MAGI3: variants seen among roughly 807,000 people sequenced by gnomAD.
MAGI3 encodes the protein membrane-associated guanylate kinase, WW and PDZ domain-containing protein 3.
MAGI3 carries 43 observed loss-of-function variants against 121.8 expected under a neutral mutation model. The observed-to-expected ratio is 0.35, with a 90% CI of 0.28 to 0.46. The LOEUF (loss-of-function observed/expected upper bound fraction) is 0.46. Ranked by LOEUF, MAGI3 falls within the 20% of genes least tolerant of loss-of-function variation. The pLI, the probability that MAGI3 is intolerant of heterozygous loss-of-function variation, is 1.00. For missense variants in MAGI3, 1,547 were observed against 1,797.3 expected (o/e 0.86, Z 2.52); for synonymous variants, 553 against 639.3 (o/e 0.86, Z 2.04).
chr1:113,558,913 A>G (rs915466815), intron 2 of MAGI3, among the ~76,000 whole-genome samples: 3 of 151,686 alleles, frequency 2.0e-5, no homozygotes, highest in African/African-American at 7.2e-5. Flanking sequence ...CCAGTAGTCA[A>G]CATTACCAAC....
chr1:113,683,243 A>AAAGC lies in MAGI3; in HGVS notation c.3676_3679dup (p.Pro1227GlnfsTer13). On this transcript the variant is annotated frameshift_variant, in exon 21 of 21. Transcript: ENST00000307546. LOFTEE classifies it low-confidence loss of function (END_TRUNC). ...GAAGAGGTAGATCGGTTAGTCCCAA[A>AAAGC]AAGCCAGCCAGTCAACATTCAGAGG... The AAAGC allele has an allele frequency of 6.2e-7, 1 of 1,613,322 alleles. No individual in the cohort carries two copies. Among genetic ancestry groups the AAAGC allele is most frequent in the South Asian group, 1.1e-5 (1 of 90,850 alleles).
intron 2 of MAGI3, among the ~76,000 whole-genome samples, chr1:113,572,021 G>T (rs533629283): frequency 6.6e-6 from 1 of 152,242 alleles, no homozygotes; most frequent in South Asian, 2.1e-4. Flanking sequence ...TATGATATTG[G>T]CTGTGGGTTT....
intron 1 of MAGI3, among the ~76,000 whole-genome samples, chr1:113,492,207 G>A (rs180767984): frequency 2.0e-5 from 3 of 152,178 alleles, no homozygotes; most frequent in East Asian, 1.9e-4. Context: ...TGCAAGGTTG[G>A]TGTAACATAT....
At chr1:113,634,401 T>G (rs1160192796) in intron 9 of MAGI3, among the ~76,000 whole-genome samples, 2 of 152,244 alleles carry the variant, frequency 1.3e-5, no homozygotes, top group African/African-American at 4.8e-5. Context: ...CATCTTGAAT[T>G]AATTTTTGTA....
intron 1 of MAGI3, among the ~76,000 whole-genome samples, chr1:113,461,352 A>G (rs1655022976): frequency 6.6e-6 from 1 of 152,204 alleles, no homozygotes; most frequent in Non-Finnish European, 1.5e-5. Context: ...GGTTACAGTC[A>G]CCAGAACAGC....
At chr1:113,547,081 TAA>T (rs75603474) in intron 1 of MAGI3, among the ~76,000 whole-genome samples, 37 of 120,142 alleles carry the variant, frequency 3.1e-4, no homozygotes, top group African/African-American at 3.2e-4. Flanking sequence ...AGACTCCATC[TAA>T]AAAAAAAAAA....
chr1:113,602,610 G>A (rs186513197), intron 6 of MAGI3, among the ~76,000 whole-genome samples: 17 of 152,176 alleles, frequency 1.1e-4, no homozygotes, highest in Admixed American at 3.9e-4. Flanking sequence ...ACAGAAGATC[G>A]GAGCAGAATT....
intron 4 of MAGI3, 150 bp from the exon 5 acceptor site, chr1:113,590,334 A>G (rs1169597063): frequency 1.4e-6 from 1 of 731,170 alleles, no homozygotes; most frequent in African/African-American, 1.8e-5. Context: ...TATGTTGGTT[A>G]TTTTAAAATT....
intron 9 of MAGI3, among the ~76,000 whole-genome samples, chr1:113,633,238 ATTTTTTTTTTTTTTTTTTTTTTT>A (rs71090716): frequency 1.8e-4 from 10 of 56,668 alleles, no homozygotes; most frequent in African/African-American, 4.0e-4. Flanking sequence ...TGAACTCATC[ATTTTTTTTTTTTTTTTTTTTTTT>A]TTTTTTTTTT....
intron 1 of MAGI3, among the ~76,000 whole-genome samples, chr1:113,474,013 A>T (rs1012700603): frequency 1.3e-5 from 2 of 152,088 alleles, no homozygotes. Context: ...TTCTCTGATG[A>T]CCAGTGATGA....
chr1:113,437,870 T>TTCTTCTTCC (rs1653685471), intron 1 of MAGI3, among the ~76,000 whole-genome samples: 53 of 18,508 alleles, frequency 2.9e-3, no homozygotes, highest in South Asian at 6.8e-3. Context: ...CTTCCTCTTC[T>TTCTTCTTCC]TCTTCTTCTC....
At chr1:113,639,858 G>A (rs774980695) in intron 9 of MAGI3, among the ~76,000 whole-genome samples, 22 of 151,990 alleles carry the variant, frequency 1.4e-4, no homozygotes, top group African/African-American at 3.6e-4. Flanking sequence ...GTGAGCCACC[G>A]CGTCTGGCCT....
chr1:113,465,674 A>G (rs952845905), intron 1 of MAGI3, among the ~76,000 whole-genome samples: 6 of 152,086 alleles, frequency 3.9e-5, no homozygotes, highest in East Asian at 1.9e-4. Context: ...CCTCTTCAGT[A>G]TCTTTCATCA....
At chr1:113,570,048 C>A (rs898332347) in intron 2 of MAGI3, among the ~76,000 whole-genome samples, 1 of 152,094 alleles carries the variant, frequency 6.6e-6, no homozygotes, top group Non-Finnish European at 1.5e-5. Flanking sequence ...CCTTGCCCCC[C>A]ACACCCCGAC....
At chr1:113,672,543 G>T (rs1557885454) in intron 17 of MAGI3, 72 bp from the exon 18 acceptor site, 5 of 1,490,776 alleles carry the variant, frequency 3.4e-6, no homozygotes, top group East Asian at 2.5e-5. Flanking sequence ...TAAAAGAAAA[G>T]AAATTAATCT....
intron 2 of MAGI3, among the ~76,000 whole-genome samples, chr1:113,573,508 G>A (rs527554703): frequency 1.9e-4 from 29 of 152,008 alleles, no homozygotes; most frequent in Non-Finnish European, 4.1e-4. Context: ...TGCAGTTTTG[G>A]GTGAGTTTCT....
At chr1:113,585,836 C>T (rs561197539) in intron 4 of MAGI3, among the ~76,000 whole-genome samples, 7 of 152,182 alleles carry the variant, frequency 4.6e-5, no homozygotes. Context: ...AAAATATATG[C>T]CATTACCCTG....
intron 6 of MAGI3, among the ~76,000 whole-genome samples, chr1:113,602,092 G>T (rs1164998840): frequency 1.5e-5 from 1 of 67,090 alleles, no homozygotes; most frequent in Non-Finnish European, 3.6e-5. Context: ...GGAGTGGGAA[G>T]GGATAGCATT....
intron 14 of MAGI3, 103 bp downstream of exon 14, chr1:113,651,309 CTAAGATAA>C (rs1340597757): frequency 2.8e-6 from 3 of 1,077,264 alleles, no homozygotes; most frequent in East Asian, 5.3e-5. Flanking sequence ...TCAGTAGTAT[CTAAGATAA>C]CCCATTTGGT....
Sources: gnomAD v4.1 joint callset for allele counts (sites outside exome capture counted in the v4.1 genomes callset) on GRCh38, gnomAD v4.1.1 for gene constraint, MANE v1.5 for transcripts, NCBI Gene and HGNC (gene_info 2026-07-23, HGNC 2026-07-21) for gene names.